DDX5: variants seen among roughly 807,000 people sequenced by gnomAD.
DDX5 encodes DEAD-box helicase 5.
DDX5 carries 6 observed loss-of-function variants against 68.6 expected under a neutral mutation model. The observed-to-expected ratio is 0.09, with a 90% CI of 0.05 to 0.17. The LOEUF (loss-of-function observed/expected upper bound fraction) is 0.17. DDX5 is among the 10% of genes least tolerant of loss of function. DDX5 has a pLI of 1.00. For missense variants in DDX5, 499 were observed against 756.1 expected, an observed-to-expected ratio of 0.66 and a Z score of 3.99; for synonymous variants, 350 against 247.0, an observed-to-expected ratio of 1.42 and a Z score of -3.91.
At chr17:64,505,450 T>G in intron 1 of DDX5, 1 of 559,162 alleles carries the variant, frequency 1.8e-6, no homozygotes, top group East Asian at 2.9e-5. Context: ...GGGGGAGGAG[T>G]CCCGGCCCGG....
chr17:64,500,430 A>C (rs572734771), intron 12 of DDX5, 104 bp from the exon 13 acceptor site: 1 of 1,528,410 alleles, frequency 6.5e-7, no homozygotes, highest in South Asian at 1.2e-5. Flanking sequence ...ATGTTTTTAC[A>C]ATTTTTCAGC....
chr17:64,505,467 T>G, intron 1 of DDX5: 10 of 537,754 alleles, frequency 1.9e-5, no homozygotes, highest in Admixed American at 3.2e-5. Context: ...CCGGGCGGAG[T>G]CGGCCGGGCG....
At chr17:64,504,481 T>G in intron 2 of DDX5, 163 bp from the exon 3 acceptor site, 1 of 910,424 alleles carries the variant, frequency 1.1e-6, no homozygotes, top group South Asian at 1.8e-5. Context: ...AAAAAATTTA[T>G]TGTTATACTC....
chr17:64,504,891 GT>G, intron 1 of DDX5, 49 bp from the exon 2 acceptor site: 8 of 1,548,416 alleles, frequency 5.2e-6, no homozygotes, highest in Non-Finnish European at 7.0e-6. Context: ...CTATACCCAG[GT>G]TTCTGTATAG....
Position 64,500,720 on chromosome 17 carries a change from C to T in DDX5, c.1270G>A (p.Asp424Asn). The change falls in exon 12 of 13, where the codon GAT becomes AAT. Residue 424 changes from aspartate to asparagine, a missense_variant. Asp to Asn is a conservative substitution (Grantham distance 23, BLOSUM62 1). Coordinates refer to ENST00000225792, the MANE Select transcript of DDX5 (RefSeq NM_004396.5). The part of the protein sequence containing the change: ...INYDYPNSSE[D>N]YIHRIGRTAR... Reference sequence around the variant, plus strand: ...GTTCTTCCAATTCGATGAATATAATCCTCTGAGGAGTTAGGGTAGTCATAA... The same window carrying T: ...GTTCTTCCAATTCGATGAATATAATTCTCTGAGGAGTTAGGGTAGTCATAA... The T allele has an allele frequency of 6.2e-7, 1 of 1,614,174 alleles. No individual in the cohort carries two copies. Among genetic ancestry groups the T allele is most frequent in the Non-Finnish European group, 8.5e-7 (1 of 1,180,020 alleles).
At chr17:64,506,366 T>C (rs374811154), upstream of DDX5, 18 of 1,423,134 alleles carry the variant, frequency 1.3e-5, no homozygotes, top group South Asian at 1.5e-5. Flanking sequence ...AGCCGCTCTA[T>C]GACCTAATCG....
chr17:64,506,020 A>AACCCCCCCCCCCCCCCCCCCCCCCC, intron 1 of DDX5, 56 bp downstream of exon 1: 2 of 868,074 alleles, frequency 2.3e-6, no homozygotes, highest in Non-Finnish European at 3.4e-6. Flanking sequence ...CGCCACCCTG[A>AACCCCCCCCCCCCCCCCCCCCCCCC]CCCGCCCTCC....
In DDX5 at chr17:64,499,260, G is replaced by A. The variant is rs924494114; in HGVS notation, c.*663C>T. On this transcript the variant is annotated 3_prime_UTR_variant, in exon 13 of 13. Transcript: ENST00000225792. ...TATAAACTTTGAAAAAGTCACCCAC[G>A]TTCTCACACTATATAGATGACTTTG... Among the ~76,000 whole-genome samples the A allele has an allele frequency of 2.0e-5, 3 of 152,190 alleles. No individual in the cohort carries two copies. The highest frequency in any genetic ancestry group is 3.4e-3 in the Middle Eastern group (1 of 294).
chr17:64,501,987 C>T (rs1321037540), intron 11 of DDX5, 23 bp downstream of exon 11: 3 of 1,610,438 alleles, frequency 1.9e-6, no homozygotes, highest in Non-Finnish European at 1.7e-6. Flanking sequence ...GAAACCAAGC[C>T]ATGAATGCGA....
chr17:64,503,081 T>C lies in DDX5; in HGVS notation c.828A>G (p.Leu276=). ...VDQIRPDRQT[L]MWSATWPKEV... is the part of the protein sequence containing the mutation. ...CTTTTGGCCAAGTCGCACTCCACAT[T>C]AGAGTTTGCCTATCAGGCTAATGGA... is the stretch of plus-strand genomic sequence containing the variant. The change falls in exon 8 of 13, where the codon CTA becomes CTG. Residue 276 remains leucine (L), a synonymous_variant. Transcript: ENST00000225792. 6.2e-7 allele frequency: 1 copy of C among 1,613,696 alleles called. No individual in the cohort carries two copies.
Position 64,506,235 on chromosome 17 carries a change from A to G in DDX5, c.-116T>C, listed in dbSNP as rs1555672631. 2 of 1,551,482 alleles carry G rather than the reference A, an allele frequency of 1.3e-6. No homozygotes were observed. Among genetic ancestry groups the G allele is most frequent in the African/African-American group, 1.4e-5 (1 of 73,346 alleles). On this transcript the variant is annotated 5_prime_UTR_variant, in exon 1 of 13. Coordinates refer to ENST00000225792, the MANE Select transcript of DDX5 (RefSeq NM_004396.5). ...GCGGGGGCGGCAGCGGAGGAAGGAC[A>G]CCGATGACACCAGCCGAAGCTGCAC...
chr17:64,506,270 C>G lies in DDX5; in HGVS notation c.-151G>C, dbSNP rs1246326133. On this transcript the variant is annotated 5_prime_UTR_variant, in exon 1 of 13. Transcript: ENST00000225792. ...CCAGCCGAAGCTGCACTACTAGAGA[C>G]CGGTAGAAATGAATGAGGTGCCGGC... 7.1e-6 allele frequency: 11 copies of G among 1,538,610 alleles called. No individual in the cohort carries two copies. The highest frequency in any genetic ancestry group is 2.5e-5 in the East Asian group (1 of 40,782).
chr17:64,503,483 G>C lies in DDX5; in HGVS notation c.596C>G (p.Thr199Ser), dbSNP rs374030868. 5.0e-6 allele frequency: 8 copies of C among 1,614,122 alleles called. No homozygotes were observed. The highest frequency in any genetic ancestry group is 1.3e-5 in the African/African-American group (1 of 74,940). ...EYCRACRLKS[T>S]CIYGGAPKGP... ...CTTAGGAGCACCACCGTAGATACAA[G>C]TAGACTTCAAGCGACATGCTCTACA... The change falls in exon 6 of 13, where the codon ACT becomes AGT. Residue 199 changes from threonine to serine, a missense_variant. By Grantham distance (58) the Thr-to-Ser change is moderately conservative. This residue lies in a region of DDX5 where 141 missense variants were observed against 279.8 expected (regional missense o/e 0.50). Coordinates refer to ENST00000225792, the MANE Select transcript of DDX5 (RefSeq NM_004396.5).
At chr17:64,506,624 C>A (rs926900143), upstream of DDX5, 1 of 385,312 alleles carries the variant, frequency 2.6e-6, no homozygotes, top group East Asian at 4.9e-5. Context: ...GCCCTCACGT[C>A]TGTAACCAAA....
At chr17:64,505,821 A>G (rs2144285355) in intron 1 of DDX5, 1 of 1,536,072 alleles carries the variant, frequency 6.5e-7, no homozygotes, top group Non-Finnish European at 8.7e-7. Context: ...AACTCCCTCA[A>G]CAGCTACCAA....
In DDX5 at chr17:64,504,855, A is replaced by T; in HGVS notation, c.45-13T>A. On this transcript the variant is annotated splice_polypyrimidine_tract_variant and intron_variant, in intron 1 of 12. Coordinates refer to ENST00000225792, the MANE Select transcript of DDX5 (RefSeq NM_004396.5). Reference sequence around the variant, plus strand: ...AGGTGCACCAAACCTGGAATGAAAAAAAACGTTATTCACATTTTCAAATGG... The same window carrying T: ...AGGTGCACCAAACCTGGAATGAAAATAAACGTTATTCACATTTTCAAATGG... 3.1e-6 allele frequency: 5 copies of T among 1,589,098 alleles called. No homozygotes were observed. The highest frequency in any genetic ancestry group is 4.3e-6 in the Non-Finnish European group (5 of 1,173,000).
rs141797595 is a variant in DDX5 at position 64,500,306 on chromosome 17, C to T, written c.1462G>A (p.Gly488Ser). The T allele has an allele frequency of 2.5e-5, 41 of 1,609,556 alleles. No homozygotes were observed. The highest frequency in any genetic ancestry group is 3.3e-5 in the Non-Finnish European group (39 of 1,177,298). ...RGSGRSRGRGGMKDDRRDRYS... is the reference protein window; with the variant it reads ...RGSGRSRGRGSMKDDRRDRYS... ...CTGTCCCGACGGTCATCCTTCATGC[C>T]TCCTCTACCCCTGGAACGACCTGTC... is the stretch of plus-strand genomic sequence containing the variant. The change falls in exon 13 of 13, where the codon GGC (glycine) becomes AGC (serine). Residue 488 changes from glycine (G) to serine (S), a missense_variant. By Grantham distance (56) the Gly-to-Ser change is moderately conservative. This residue lies in a region of DDX5 where 171 missense variants were observed against 174.8 expected (regional missense o/e 0.98). Coordinates refer to ENST00000225792, the MANE Select transcript of DDX5 (RefSeq NM_004396.5).
At chr17:64,505,411 AAAAAG>A (rs1436635439) in intron 1 of DDX5, 4 of 521,542 alleles carry the variant, frequency 7.7e-6, no homozygotes, top group African/African-American at 3.8e-5. Flanking sequence ...TAACGCAGGA[AAAAAG>A]AAAAGGAGGA....
intron 1 of DDX5, chr17:64,505,575 G>C: frequency 1.4e-6 from 1 of 714,838 alleles, no homozygotes; most frequent in Non-Finnish European, 2.4e-6. Flanking sequence ...GCCGGGCGGG[G>C]TAACAAAGGC....
Sources: gnomAD v4.1 joint callset for allele counts (sites outside exome capture counted in the v4.1 genomes callset) on GRCh38, gnomAD v4.1.1 for gene constraint, gnomAD v4.1.1 regional missense constraint, MANE v1.5 for transcripts, NCBI Gene and HGNC (gene_info 2026-07-23, HGNC 2026-07-21) for gene names.